STOX2: variants seen among roughly 807,000 people sequenced by gnomAD.
STOX2 encodes storkhead-box protein 2.
STOX2 carries 28 observed loss-of-function variants against 60.9 expected under a neutral mutation model. The ratio of observed to expected loss-of-function variants is 0.46; its 90% CI spans 0.34 to 0.63. The LOEUF (loss-of-function observed/expected upper bound fraction) is 0.63. Ranked by LOEUF, STOX2 falls within the 30% of genes least tolerant of loss-of-function variation. STOX2 has a pLI of 0.01. For missense variants in STOX2, 1,024 were observed against 1,187.7 expected, an observed-to-expected ratio of 0.86 and a Z score of 2.03; for synonymous variants, 472 against 463.9, an observed-to-expected ratio of 1.02 and a Z score of -0.22.
chr4:183,898,614 A>G (rs778575993), intron 1 of STOX2, among the ~76,000 whole-genome samples: 6 of 152,196 alleles, frequency 3.9e-5, no homozygotes, highest in Non-Finnish European at 8.8e-5. Flanking sequence ...GAAATTCTGA[A>G]TGCCAAGAAG....
intron 1 of STOX2, among the ~76,000 whole-genome samples, chr4:183,994,469 T>C (rs564079637): frequency 2.0e-4 from 31 of 152,256 alleles, no homozygotes; most frequent in Non-Finnish European, 3.8e-4. Context: ...TCTTTGAAAA[T>C]TAAAGCCCAA....
At chr4:183,861,721 C>T (rs1028569389) in intron 1 of STOX2, among the ~76,000 whole-genome samples, 11 of 152,160 alleles carry the variant, frequency 7.2e-5, no homozygotes, top group Non-Finnish European at 1.3e-4. Flanking sequence ...TAAAGTGCCT[C>T]GCAGGGCGTA....
intron 1 of STOX2, among the ~76,000 whole-genome samples, chr4:183,884,643 A>G (rs144189485): frequency 1.3e-5 from 2 of 152,034 alleles, no homozygotes; most frequent in African/African-American, 4.8e-5. Context: ...TTCTTTAGTG[A>G]CAGAAGCCGC....
intron 1 of STOX2, among the ~76,000 whole-genome samples, chr4:183,981,128 G>T (rs1400012411): frequency 1.3e-5 from 2 of 152,222 alleles, no homozygotes; most frequent in African/African-American, 4.8e-5. Flanking sequence ...TGTCCCAAGG[G>T]ATTGGGGCCA....
At chr4:183,935,473 A>G (rs1421023571) in intron 1 of STOX2, among the ~76,000 whole-genome samples, 2 of 152,242 alleles carry the variant, frequency 1.3e-5, no homozygotes, top group African/African-American at 4.8e-5. Flanking sequence ...TGCTTATTCC[A>G]GAAAGAGTCA....
chr4:184,010,306 A>G lies in STOX2; in HGVS notation c.1468A>G (p.Arg490Gly). 1 of 1,600,564 alleles carries G rather than the reference A, an allele frequency of 6.2e-7. No homozygotes were observed. Among genetic ancestry groups the G allele is most frequent in the Non-Finnish European group, 8.5e-7 (1 of 1,173,546 alleles). ...TGAGAGATCCAACAAAGCCAAGGAG[A>G]GATCCAGGTCGATGGATAACTCCAA... ...RNERSNKAKE[R>G]SRSMDNSKGP... Residue 490 changes from arginine to glycine, a missense_variant, in exon 3 of 4, where the codon AGA becomes GGA. Physicochemically the swap from Arg to Gly is moderately radical, Grantham distance 125. This residue lies in a region of STOX2 where 922 missense variants were observed against 1,058.3 expected (regional missense o/e 0.87). Coordinates refer to ENST00000308497, the MANE Select transcript of STOX2 (RefSeq NM_020225.3). This position sits in a 1 kb window ranked among gnomAD's most constrained non-coding sequence, Gnocchi z 4.5.
chr4:183,969,485 C>G (rs1295901391), intron 1 of STOX2, among the ~76,000 whole-genome samples: 3 of 152,202 alleles, frequency 2.0e-5, no homozygotes, highest in African/African-American at 7.2e-5. Flanking sequence ...CCAAGCTGCT[C>G]TTGAACTCCC....
chr4:183,804,991 G>A (rs2111094175), intron 1 of STOX2, among the ~76,000 whole-genome samples: 1 of 152,326 alleles, frequency 6.6e-6, no homozygotes, highest in African/African-American at 2.4e-5. Context: ...TTTTAAAAGG[G>A]CTCATTAAAC....
At position 184,008,778 on chromosome 4, in the gene STOX2, A is replaced by T. The variant is rs1440375457; in HGVS notation, c.320-380A>T. ...TCACTCTGCTTCTCTAGTTGCTTTTATTGAAAAAGCCTTTTCTATACTTTC... is the reference window on the plus strand; with the variant it reads ...TCACTCTGCTTCTCTAGTTGCTTTTTTTGAAAAAGCCTTTTCTATACTTTC... On this transcript the variant is annotated intron_variant, in intron 2 of 3. Coordinates refer to ENST00000308497, the MANE Select transcript of STOX2 (RefSeq NM_020225.3). Among the ~76,000 whole-genome samples, 3 of 152,182 alleles carry T rather than the reference A, an allele frequency of 2.0e-5. No individual in the cohort carries two copies. In the East Asian group the frequency reaches 5.8e-4, roughly 29 times the overall value.
intron 1 of STOX2, among the ~76,000 whole-genome samples, chr4:183,874,069 C>T (rs556431931): frequency 3.3e-5 from 5 of 152,234 alleles, no homozygotes; most frequent in East Asian, 1.9e-4. Context: ...AAGTAAGTGG[C>T]GAGCGGACAA....
intron 1 of STOX2, among the ~76,000 whole-genome samples, chr4:183,866,256 G>A (rs1030082360): frequency 1.3e-5 from 2 of 152,052 alleles, no homozygotes; most frequent in Admixed American, 6.5e-5. Context: ...AGCCCACCCC[G>A]AGCCTGTTCT....
At chr4:183,960,803 T>C (rs543470769) in intron 1 of STOX2, among the ~76,000 whole-genome samples, 1 of 152,358 alleles carries the variant, frequency 6.6e-6, no homozygotes, top group Admixed American at 6.5e-5. Context: ...CTAATATTGA[T>C]ATTATAGTCT....
intron 1 of STOX2, among the ~76,000 whole-genome samples, chr4:183,835,923 C>A (rs1335623622): frequency 6.6e-6 from 1 of 152,210 alleles, no homozygotes; most frequent in Non-Finnish European, 1.5e-5. Flanking sequence ...CCATGTTTAA[C>A]CTTCTGAAGG....
In STOX2 at chr4:183,836,760, T is replaced by G. The variant is rs1229956006; in HGVS notation, c.364+38705T>G. Among the ~76,000 whole-genome samples the G allele has an allele frequency of 6.6e-6, 1 of 152,216 alleles. No homozygotes were observed. The highest frequency in any genetic ancestry group is 1.5e-5 in the Non-Finnish European group (1 of 68,040). On this transcript the variant is annotated intron_variant, in intron 1 of 2. Coordinates refer to the STOX2 transcript ENST00000513034. The surrounding 1 kb of genome is among the most constrained non-coding windows in gnomAD (Gnocchi z 4.1). Reference sequence around the variant, plus strand: ...GAAGGTGAAAAAGCAGGGATACTATTAGACACTCTGATATTGGAAATCTCC... The same window carrying G: ...GAAGGTGAAAAAGCAGGGATACTATGAGACACTCTGATATTGGAAATCTCC...
At chr4:183,911,349 AT>A (rs768276733) in intron 1 of STOX2, among the ~76,000 whole-genome samples, 4 of 152,204 alleles carry the variant, frequency 2.6e-5, no homozygotes, top group African/African-American at 4.8e-5. Context: ...GCAAGTTATA[AT>A]CATATGCAAG....
At chr4:183,888,505 G>A (rs1741133222) in intron 1 of STOX2, among the ~76,000 whole-genome samples, 2 of 152,154 alleles carry the variant, frequency 1.3e-5, no homozygotes, top group South Asian at 2.1e-4. Flanking sequence ...GGTACCATGA[G>A]CCCATGTCCT....
chr4:183,993,158 A>G (rs779786198), intron 1 of STOX2, among the ~76,000 whole-genome samples: 5 of 152,064 alleles, frequency 3.3e-5, no homozygotes, highest in Non-Finnish European at 5.9e-5. Context: ...CCGATGCTCT[A>G]CCCTTTCTGC....
Position 183,991,112 on chromosome 4 carries a change from G to A in STOX2, c.167-10213G>A, listed in dbSNP as rs537148259. Among the ~76,000 whole-genome samples the A allele has an allele frequency of 3.9e-5, 6 of 152,158 alleles. No homozygotes were observed. In the South Asian group the frequency reaches 1.2e-3, roughly 32 times the overall value. ...GTTTTGAAATAGGTCAACATCCTTT[G>A]ATATCCTTGTAATTCTCTATCCACA... On this transcript the variant is annotated intron_variant, in intron 1 of 3. Coordinates refer to ENST00000308497, the MANE Select transcript of STOX2 (RefSeq NM_020225.3).
chr4:183,880,762 C>G (rs1308429940), intron 1 of STOX2, among the ~76,000 whole-genome samples: 1 of 152,176 alleles, frequency 6.6e-6, no homozygotes, highest in Non-Finnish European at 1.5e-5. Flanking sequence ...TCTCATTTTA[C>G]AATTTGAACA....
Sources: gnomAD v4.1 joint callset for allele counts (sites outside exome capture counted in the v4.1 genomes callset) on GRCh38, gnomAD v4.1.1 for gene constraint, gnomAD v4.1.1 regional missense constraint, Gnocchi (gnomAD v3.1) non-coding constraint, MANE v1.5 for transcripts, NCBI Gene and HGNC (gene_info 2026-07-23, HGNC 2026-07-21) for gene names.